Variants in TAFA4 observed in about 807,000 individuals in gnomAD.
TAFA4 encodes the protein TAFA chemokine like family member 4, also known as chemokine-like protein TAFA-4.
Under a neutral mutation model 21.1 loss-of-function variants are expected in TAFA4, and 20 were observed. The observed-to-expected ratio is 0.95, with a 90% confidence interval of 0.67 to 1.38. The LOEUF (loss-of-function observed/expected upper bound fraction) is 1.38. Ranked by LOEUF, TAFA4 falls within the 40% of genes most tolerant of loss-of-function variation. The pLI, the probability that TAFA4 is intolerant of heterozygous loss-of-function variation, is 0.00. For missense variants in TAFA4, 211 were observed against 180.9 expected (o/e 1.17, Z -0.95); for synonymous variants, 71 against 67.4 (o/e 1.05, Z -0.26).
intron 3 of TAFA4, among the ~76,000 whole-genome samples, chr3:68,814,742 G>A (rs898204842): frequency 6.6e-6 from 1 of 152,106 alleles, no homozygotes; most frequent in Non-Finnish European, 1.5e-5. Flanking sequence ...TACTGCCCAA[G>A]GTAATTTATA....
chr3:68,881,024 A>G (rs564827210), intron 2 of TAFA4, among the ~76,000 whole-genome samples, 179 bp from the exon 3 acceptor site: 2 of 152,362 alleles, frequency 1.3e-5, no homozygotes, highest in South Asian at 4.1e-4. Flanking sequence ...CTAAATTTTC[A>G]ATAAAAACCT....
chr3:68,782,728 C>T (rs1703175445), intron 3 of TAFA4, among the ~76,000 whole-genome samples: 1 of 151,976 alleles, frequency 6.6e-6, no homozygotes, highest in Non-Finnish European at 1.5e-5. Context: ...TAGTGATCGC[C>T]AGGGCTAAGG....
At position 68,732,665 on chromosome 3, in the gene TAFA4, A is replaced by G. The variant is rs909503964; in HGVS notation, c.*477T>C. 1.9e-5 allele frequency: 3 copies of G among 153,870 alleles called. No homozygotes were observed. The highest frequency in any genetic ancestry group is 7.2e-5 in the African/African-American group (3 of 41,508). The allele number at this position is 153,870 out of a possible 1,614,324, so 9.5% of individuals were successfully genotyped here. A position where few individuals can be genotyped will look rare whatever the true frequency, so the allele number is the denominator to read the frequency against. ...ATCTCTAGCAGTAATTTTCTTCACC[A>G]GCTAATCTACATCTGCAAATATGTT... is the stretch of plus-strand genomic sequence containing the variant. On this transcript the variant is annotated 3_prime_UTR_variant, in exon 6 of 6. Transcript: ENST00000295569.
At chr3:68,829,035 T>C (rs1323563995) in intron 3 of TAFA4, among the ~76,000 whole-genome samples, 1 of 152,058 alleles carries the variant, frequency 6.6e-6, no homozygotes, top group Non-Finnish European at 1.5e-5. Flanking sequence ...CTTCACAGAA[T>C]TGGAAAAAAC....
chr3:68,901,409 G>A (rs1014240778), intron 1 of TAFA4, among the ~76,000 whole-genome samples: 2 of 152,006 alleles, frequency 1.3e-5, no homozygotes, highest in African/African-American at 4.8e-5. Context: ...AGGAAGAAAT[G>A]AGCCCCCAGA....
chr3:68,809,081 A>T (rs926254564), intron 3 of TAFA4, among the ~76,000 whole-genome samples: 1 of 152,218 alleles, frequency 6.6e-6, no homozygotes, highest in Admixed American at 6.5e-5. Flanking sequence ...AAATATTTTC[A>T]AATAAAATTA....
chr3:68,865,713 T>C (rs1366023754), intron 3 of TAFA4, among the ~76,000 whole-genome samples: 5 of 152,090 alleles, frequency 3.3e-5, no homozygotes, highest in Non-Finnish European at 5.9e-5. Flanking sequence ...GACATAATCA[T>C]AGTGTGCTGC....
At chr3:68,780,073 T>C (rs991975205) in intron 3 of TAFA4, among the ~76,000 whole-genome samples, 2 of 152,194 alleles carry the variant, frequency 1.3e-5, no homozygotes, top group Non-Finnish European at 2.9e-5. Context: ...GCTTTAAGAT[T>C]TGACTGCCCC....
chr3:68,845,336 CTTTT>C (rs921680418), intron 3 of TAFA4, among the ~76,000 whole-genome samples: 1 of 151,012 alleles, frequency 6.6e-6, no homozygotes, highest in African/African-American at 2.4e-5. Flanking sequence ...GCAACCCCTA[CTTTT>C]TTTTTGCTTT....
chr3:68,750,498 A>G (rs1702540468), intron 4 of TAFA4, among the ~76,000 whole-genome samples: 2 of 152,338 alleles, frequency 1.3e-5, no homozygotes, highest in African/African-American at 4.8e-5. Flanking sequence ...CTCATATTGA[A>G]ATCTACCACT....
chr3:68,740,297 T>A (rs1480775798), intron 4 of TAFA4, among the ~76,000 whole-genome samples: 1 of 152,202 alleles, frequency 6.6e-6, no homozygotes, highest in Admixed American at 6.5e-5. Context: ...TTGCAACTGG[T>A]TCTTAAGTTT....
At chr3:68,797,195 C>T (rs894914934) in intron 3 of TAFA4, among the ~76,000 whole-genome samples, 7 of 152,144 alleles carry the variant, frequency 4.6e-5, no homozygotes, top group Non-Finnish European at 1.0e-4. Flanking sequence ...GATATTTGTA[C>T]AGCCGTATTC....
At chr3:68,927,272 C>T (rs1390892068) in intron 1 of TAFA4, among the ~76,000 whole-genome samples, 1 of 152,154 alleles carries the variant, frequency 6.6e-6, no homozygotes, top group South Asian at 2.1e-4. Flanking sequence ...TCAATATTTT[C>T]ATCACACTAG....
chr3:68,756,804 G>T (rs1280076104), intron 3 of TAFA4, among the ~76,000 whole-genome samples: 1 of 152,176 alleles, frequency 6.6e-6, no homozygotes, highest in Non-Finnish European at 1.5e-5. Context: ...CAAGAGCGTT[G>T]ATTTCCCATA....
intron 1 of TAFA4, among the ~76,000 whole-genome samples, chr3:68,907,000 C>A (rs886330639): frequency 2.1e-4 from 25 of 117,512 alleles, no homozygotes; most frequent in African/African-American, 8.1e-4. Context: ...CACTGCACTG[C>A]AACCTGGGTG....
chr3:68,920,603 TAG>T (rs1158450497), intron 1 of TAFA4, among the ~76,000 whole-genome samples: 1 of 151,824 alleles, frequency 6.6e-6, no homozygotes, highest in Admixed American at 6.6e-5. Flanking sequence ...AAATGGGTTG[TAG>T]AGAGAGTTAG....
At chr3:68,783,754 A>AAAAT (rs1274721136) in intron 3 of TAFA4, among the ~76,000 whole-genome samples, 5 of 151,568 alleles carry the variant, frequency 3.3e-5, no homozygotes, top group African/African-American at 1.2e-4. Context: ...AGTAAGAAAG[A>AAAAT]AAGAAACAAA....
At chr3:68,894,551 C>T (rs994071952) in intron 1 of TAFA4, among the ~76,000 whole-genome samples, 10 of 152,198 alleles carry the variant, frequency 6.6e-5, no homozygotes, top group Non-Finnish European at 1.5e-4. Flanking sequence ...AAAGCAGACT[C>T]AGCGCTGGCA....
At chr3:68,795,716 C>G (rs913821926) in intron 3 of TAFA4, among the ~76,000 whole-genome samples, 2 of 152,180 alleles carry the variant, frequency 1.3e-5, no homozygotes, top group Non-Finnish European at 2.9e-5. Context: ...CTGTTTGAAG[C>G]TCAAGCCCAT....
Sources: gnomAD v4.1 joint callset for allele counts (sites outside exome capture counted in the v4.1 genomes callset) on GRCh38, gnomAD v4.1.1 for gene constraint, MANE v1.5 for transcripts, NCBI Gene and HGNC (gene_info 2026-07-23, HGNC 2026-07-21) for gene names.